PLCG2: variants seen among roughly 807,000 people sequenced by gnomAD.
PLCG2 encodes phospholipase C gamma 2.
In PLCG2, 69 loss-of-function variants were observed where a neutral mutation model predicts 175.6. The observed-to-expected ratio is 0.39, with a 90% CI of 0.32 to 0.48. The LOEUF is 0.48. Among genes scored for constraint, PLCG2 ranks in the 20% least tolerant of loss-of-function variants. PLCG2 has a pLI of 0.91. For synonymous variants in PLCG2, 827 were observed against 624.0 expected (o/e 1.33, Z -4.85); for missense variants, 1,798 against 1,650.9 (o/e 1.09, Z -1.54).
intron 17 of PLCG2, among the ~76,000 whole-genome samples, chr16:81,909,866 A>G (rs62044876): frequency 0.063 from 9,629 of 152,142 alleles, 436 homozygotes; most frequent in Non-Finnish European, 0.098. Flanking sequence ...TTCCTGTCAG[A>G]CCGCTGGGGT....
chr16:81,894,212 T>A (rs1193235612), intron 12 of PLCG2, among the ~76,000 whole-genome samples: 1 of 152,046 alleles, frequency 6.6e-6, no homozygotes, highest in Non-Finnish European at 1.5e-5. Flanking sequence ...GAGGATTGTA[T>A]GAGGCCAAGA....
At chr16:81,776,680 G>T (rs966125529), upstream of PLCG2, among the ~76,000 whole-genome samples, 2 of 152,026 alleles carry the variant, frequency 1.3e-5, no homozygotes, top group African/African-American at 4.8e-5. Context: ...TCAGACTCGT[G>T]AGTAGCTGAC....
intron 2 of PLCG2, among the ~76,000 whole-genome samples, chr16:81,820,629 T>G (rs1002206816): frequency 1.3e-5 from 2 of 152,176 alleles, no homozygotes; most frequent in Admixed American, 6.5e-5. Flanking sequence ...TACCCAATTT[T>G]TTTTTTTTTG....
upstream of PLCG2, among the ~76,000 whole-genome samples, chr16:81,778,089 A>C (rs1342254269): frequency 6.7e-6 from 1 of 150,350 alleles, no homozygotes; most frequent in Non-Finnish European, 1.5e-5. Context: ...CACAAAAAAA[A>C]CGCTATAACA....
At chr16:81,951,864 A>T (rs1911379432) in intron 31 of PLCG2, among the ~76,000 whole-genome samples, 1 of 152,348 alleles carries the variant, frequency 6.6e-6, no homozygotes, top group South Asian at 2.1e-4. Flanking sequence ...ATAATTTTAG[A>T]AAAAAGGTCG....
intron 18 of PLCG2, among the ~76,000 whole-genome samples, chr16:81,911,670 G>C (rs1028084691): frequency 2.6e-5 from 4 of 151,942 alleles, no homozygotes; most frequent in African/African-American, 9.7e-5. Context: ...GAGTGCAATG[G>C]CACGATCTCA....
At chr16:81,766,471 TCCTCCTCCTCTTCCTCC>T in intron 2 of PLCG2, among the ~76,000 whole-genome samples, 1 of 192 alleles carries the variant, frequency 5.2e-3, no homozygotes, top group Non-Finnish European at 0.018. Context: ...CAGCGCCTCC[TCCTCCTCCTCTTCCTCC>T]TCCTCCTCCT....
intron 2 of PLCG2, among the ~76,000 whole-genome samples, chr16:81,829,608 G>A (rs1268772844): frequency 6.6e-6 from 1 of 152,342 alleles, no homozygotes; most frequent in South Asian, 2.1e-4. Flanking sequence ...AATTTATTTG[G>A]ACTTTAACAG....
chr16:81,808,650 C>T (rs199597437), intron 2 of PLCG2, among the ~76,000 whole-genome samples: 158 of 152,202 alleles, frequency 1.0e-3, no homozygotes, highest in South Asian at 8.7e-3. Flanking sequence ...CCCGCCACCA[C>T]GCCTGGCTAA....
chr16:81,910,445 C>A, intron 17 of PLCG2, 75 bp from the exon 18 acceptor site: 1 of 1,335,844 alleles, frequency 7.5e-7, no homozygotes. Flanking sequence ...TGTAATGTCC[C>A]CGCCTCTGAG....
At chr16:81,851,840 A>G (rs963833984) in intron 2 of PLCG2, among the ~76,000 whole-genome samples, 1 of 152,108 alleles carries the variant, frequency 6.6e-6, no homozygotes, top group Admixed American at 6.5e-5. Flanking sequence ...TTGCCCACTG[A>G]GCTGTTTCTA....
At chr16:81,828,038 C>G (rs148111026) in intron 2 of PLCG2, among the ~76,000 whole-genome samples, 5,550 of 143,796 alleles carry the variant, frequency 0.039, 405 homozygotes, top group African/African-American at 0.14. Context: ...TGCACTGAGC[C>G]GAGATCATGC....
intron 2 of PLCG2, among the ~76,000 whole-genome samples, chr16:81,815,345 C>G (rs945618460): frequency 6.6e-6 from 1 of 152,202 alleles, no homozygotes; most frequent in South Asian, 2.1e-4. Flanking sequence ...CCACACAACA[C>G]AGTGAGATCC....
At chr16:81,846,105 G>T (rs1906100053) in intron 2 of PLCG2, among the ~76,000 whole-genome samples, 1 of 152,202 alleles carries the variant, frequency 6.6e-6, no homozygotes, top group South Asian at 2.1e-4. Flanking sequence ...CCAGCTGCTA[G>T]GAGTGTTGGG....
At chr16:81,792,242 G>T (rs1315491502) in intron 2 of PLCG2, among the ~76,000 whole-genome samples, 3 of 151,940 alleles carry the variant, frequency 2.0e-5, no homozygotes, top group African/African-American at 7.3e-5. Context: ...AGGACTTTGG[G>T]AGGCCAAGGC....
At chr16:81,924,140 G>A (rs1188374215) in intron 22 of PLCG2, among the ~76,000 whole-genome samples, 1 of 152,256 alleles carries the variant, frequency 6.6e-6, no homozygotes, top group Non-Finnish European at 1.5e-5. Context: ...AAAGGTACCT[G>A]GGTATGCTAG....
intron 2 of PLCG2, among the ~76,000 whole-genome samples, chr16:81,820,279 G>C (rs1024676221): frequency 3.3e-5 from 5 of 152,160 alleles, no homozygotes; most frequent in Non-Finnish European, 5.9e-5. Context: ...GCAGGAGAGA[G>C]GGTTCCCTCA....
chr16:81,829,444 C>T (rs1905174234), intron 2 of PLCG2, among the ~76,000 whole-genome samples: 1 of 152,194 alleles, frequency 6.6e-6, no homozygotes, highest in Admixed American at 6.5e-5. Flanking sequence ...TCTCGAACTC[C>T]TAAGCTCAGG....
chr16:81,903,551 G>C (rs1218093143), intron 14 of PLCG2, among the ~76,000 whole-genome samples: 1 of 152,212 alleles, frequency 6.6e-6, no homozygotes, highest in Non-Finnish European at 1.5e-5. Flanking sequence ...ACCTGGCTGG[G>C]GTCACAAGTT....
Sources: gnomAD v4.1 joint callset for allele counts (sites outside exome capture counted in the v4.1 genomes callset) on GRCh38, gnomAD v4.1.1 for gene constraint, MANE v1.5 for transcripts, NCBI Gene and HGNC (gene_info 2026-07-23, HGNC 2026-07-21) for gene names.